The following PHACTR2 variants were observed in gnomAD, a reference collection of about 807,000 sequenced individuals.
The protein encoded by PHACTR2 is chromosome 6 open reading frame 56.
In PHACTR2, 30 loss-of-function variants were observed where a neutral mutation model predicts 76.0. That is an observed-to-expected ratio of 0.39 (90% confidence interval 0.30 to 0.54). PHACTR2 has a LOEUF of 0.54. Among genes scored for constraint, PHACTR2 ranks in the 20% least tolerant of loss-of-function variants. The probability of loss-of-function intolerance (pLI) is 0.61; values close to 1 mark genes in which losing one functional copy is unlikely to be tolerated. For missense variants in PHACTR2, 696 were observed against 781.1 expected, an observed-to-expected ratio of 0.89 and a Z score of 1.30; for synonymous variants, 292 against 292.5, an observed-to-expected ratio of 1.00 and a Z score of 0.02.
In PHACTR2 at chr6:143,595,286, TACATG is replaced by T. The variant is rs1001044841; in HGVS notation, c.217+58083_217+58087del. On this transcript the variant is annotated intron_variant, in intron 1 of 11. Transcript: ENST00000367584. This position sits in a 1 kb window ranked among gnomAD's most constrained non-coding sequence, Gnocchi z 4.2. Reference sequence around the variant, plus strand: ...GGCTAATTAGGTAAAGGGAGAAGTGTACATGACAGGTTTCTGATTTTCTAGCTTTT... The same window carrying T: ...GGCTAATTAGGTAAAGGGAGAAGTGTACAGGTTTCTGATTTTCTAGCTTTT... Among the ~76,000 whole-genome samples the T allele has an allele frequency of 6.6e-6, 1 of 152,248 alleles. No homozygotes were observed. Among genetic ancestry groups the T allele is most frequent in the Admixed American group, 6.5e-5 (1 of 15,282 alleles).
chr6:143,811,096 C>A lies in PHACTR2; in HGVS notation c.1922+3963C>A, dbSNP rs564800785. 9.9e-5 allele frequency among the ~76,000 whole-genome samples: 15 copies of A among 152,130 alleles called. No individual in the cohort carries two copies. The South Asian group carries it at 3.1e-3, about 32-fold the overall frequency. On this transcript the variant is annotated intron_variant, in intron 12 of 12. Transcript: ENST00000440869. The surrounding 1 kb of genome is among the most constrained non-coding windows in gnomAD (Gnocchi z 4.1). Reference sequence around the variant, plus strand: ...CAAGAGTATAAAACTATTATTTTTACCTGTTATCTATGCTTTGGAGAGGTG... The same window carrying A: ...CAAGAGTATAAAACTATTATTTTTAACTGTTATCTATGCTTTGGAGAGGTG...
intron 12 of PHACTR2, chr6:143,810,566 T>C (rs759214440): frequency 5.5e-5 from 25 of 454,578 alleles, no homozygotes; most frequent in Non-Finnish European, 8.4e-5. Context: ...TTTTATTATT[T>C]GATTTGACTA....
intron 1 of PHACTR2, among the ~76,000 whole-genome samples, chr6:143,706,017 T>G (rs1582792608): frequency 6.6e-6 from 1 of 152,346 alleles, no homozygotes; most frequent in South Asian, 2.1e-4. Flanking sequence ...TGAGTATGGA[T>G]TTGTGGATGT....
chr6:143,772,226 A>G lies in PHACTR2; in HGVS notation c.1233-32A>G, dbSNP rs770882901. The G allele has an allele frequency of 1.3e-6, 2 of 1,543,100 alleles. No individual in the cohort carries two copies. Among genetic ancestry groups the G allele is most frequent in the South Asian group, 2.2e-5 (2 of 89,452 alleles). Reference sequence around the variant, plus strand: ...GCCGCCAAGGGTTGCTCTGAGCTTCACATCACTCCCATGCTTTTCTGCCTT... The same window carrying G: ...GCCGCCAAGGGTTGCTCTGAGCTTCGCATCACTCCCATGCTTTTCTGCCTT... On this transcript the variant is annotated intron_variant, in intron 6 of 12. Transcript: ENST00000440869. The surrounding 1 kb of genome is among the most constrained non-coding windows in gnomAD (Gnocchi z 5.4).
At chr6:143,770,973 G>A (rs551701391) in intron 6 of PHACTR2, among the ~76,000 whole-genome samples, 1 of 139,564 alleles carries the variant, frequency 7.2e-6, no homozygotes, top group East Asian at 2.1e-4. Flanking sequence ...ACCCAGGCTA[G>A]AGTCATATTA....
Position 143,730,747 on chromosome 6 carries a change from T to C in PHACTR2, c.215-18238T>C, listed in dbSNP as rs572649804. 1.2e-4 allele frequency among the ~76,000 whole-genome samples: 18 copies of C among 152,154 alleles called. No homozygotes were observed. Among genetic ancestry groups the C allele is most frequent in the Non-Finnish European group, 2.2e-4 (15 of 68,026 alleles). The stretch of plus-strand genomic sequence containing the variant: ...AGTATGATGTTGGTGTAAGATTTTT[T>C]GTGTGTGTTTGTTTGTTTGAGACGG... On this transcript the variant is annotated intron_variant, in intron 2 of 12. Transcript: ENST00000440869. This position sits in a 1 kb window ranked among gnomAD's most constrained non-coding sequence, Gnocchi z 4.8.
chr6:143,576,772 A>G (rs1480112426), intron 1 of PHACTR2, among the ~76,000 whole-genome samples: 1 of 149,586 alleles, frequency 6.7e-6, no homozygotes, highest in East Asian at 2.1e-4. Flanking sequence ...GCTACTCGGT[A>G]GGTTGAAGCA....
intron 1 of PHACTR2, among the ~76,000 whole-genome samples, chr6:143,711,287 A>G (rs1207618112): frequency 6.6e-6 from 1 of 152,200 alleles, no homozygotes; most frequent in Non-Finnish European, 1.5e-5. Flanking sequence ...GTTCTTTGCC[A>G]TTAAAATTTG....
chr6:143,632,663 C>T (rs995870766), intron 1 of PHACTR2, among the ~76,000 whole-genome samples: 13 of 152,106 alleles, frequency 8.5e-5, no homozygotes, highest in Non-Finnish European at 1.8e-4. Context: ...ATTTTGACAA[C>T]GTATAATGAC....
chr6:143,572,003 G>A (rs780988417), intron 1 of PHACTR2, among the ~76,000 whole-genome samples: 37 of 152,144 alleles, frequency 2.4e-4, no homozygotes, highest in Non-Finnish European at 4.4e-4. Context: ...AGATTATGAG[G>A]AGCATAGCCT....
Position 143,679,249 on chromosome 6 carries a change from C to T in PHACTR2, c.46+1040C>T, listed in dbSNP as rs1303470451. Among the ~76,000 whole-genome samples the T allele has an allele frequency of 2.0e-5, 3 of 152,134 alleles. No individual in the cohort carries two copies. The highest frequency in any genetic ancestry group is 4.4e-5 in the Non-Finnish European group (3 of 68,010). ...ATACCCAGTGGGTTTCTTTAGGTAGCACAGCTTCACTCCCTGAGATACCAC... is the reference window on the plus strand; with the variant it reads ...ATACCCAGTGGGTTTCTTTAGGTAGTACAGCTTCACTCCCTGAGATACCAC... On this transcript the variant is annotated intron_variant, in intron 1 of 12. Transcript: ENST00000440869. The surrounding 1 kb of genome is among the most constrained non-coding windows in gnomAD (Gnocchi z 4.6).
Position 143,764,940 on chromosome 6 carries a change from G to A in PHACTR2, c.695-321G>A, listed in dbSNP as rs1235718320. The stretch of plus-strand genomic sequence containing the variant: ...TAACATTCCTTCTTGAGAGCATACC[G>A]GGCTTTTTTCAAGTGAACCATAGAC... On this transcript the variant is annotated intron_variant, in intron 5 of 12. Transcript: ENST00000440869. The surrounding 1 kb of genome is among the most constrained non-coding windows in gnomAD (Gnocchi z 4.7). Among the ~76,000 whole-genome samples the A allele has an allele frequency of 6.6e-6, 1 of 152,080 alleles. No individual in the cohort carries two copies. The highest frequency in any genetic ancestry group is 1.9e-4 in the East Asian group (1 of 5,188).
rs962910548 is a variant in PHACTR2 at position 143,750,722 on chromosome 6, C to A, written c.295+1657C>A. 3.3e-5 allele frequency among the ~76,000 whole-genome samples: 5 copies of A among 152,176 alleles called. No individual in the cohort carries two copies. The highest frequency in any genetic ancestry group is 6.5e-5 in the Admixed American group (1 of 15,274). The stretch of plus-strand genomic sequence containing the variant: ...CTATTTGCCTCATAGATTATAATTT[C>A]TTGGGCCAACATATACTTCTCAGAA... On this transcript the variant is annotated intron_variant, in intron 3 of 12. Coordinates refer to ENST00000440869, the MANE Select transcript of PHACTR2 (RefSeq NM_001100164.2). The surrounding 1 kb of genome is among the most constrained non-coding windows in gnomAD (Gnocchi z 4.6).
intron 1 of PHACTR2, among the ~76,000 whole-genome samples, chr6:143,685,500 C>CT (rs1331939357): frequency 6.6e-6 from 1 of 152,020 alleles, no homozygotes; most frequent in Admixed American, 6.5e-5. Context: ...AGGAACTACT[C>CT]TAAGTGCTTT....
chr6:143,655,185 A>G (rs1776829215), intron 1 of PHACTR2, among the ~76,000 whole-genome samples: 1 of 151,980 alleles, frequency 6.6e-6, no homozygotes, highest in African/African-American at 2.4e-5. Context: ...GAAAAAGAAA[A>G]AAAAGAAAAC....
At chr6:143,670,540 C>G (rs982225640) in intron 1 of PHACTR2, among the ~76,000 whole-genome samples, 28 of 151,966 alleles carry the variant, frequency 1.8e-4, no homozygotes, top group African/African-American at 6.5e-4. Context: ...TTTGTTCATT[C>G]CCTTTTATTC....
At chr6:143,540,151 TC>T (rs1020443801) in intron 1 of PHACTR2, among the ~76,000 whole-genome samples, 2 of 152,218 alleles carry the variant, frequency 1.3e-5, no homozygotes, top group Admixed American at 6.5e-5. Context: ...CCTTCCTTGC[TC>T]CTATTTTTGA....
In PHACTR2 at chr6:143,767,783, T is replaced by G. The variant is rs867608282; in HGVS notation, c.1232+1985T>G. The stretch of plus-strand genomic sequence containing the variant: ...GCAGAGCCTTCATGACTTAAACACC[T>G]CCCACTAGGCCCTACCTCTCAACAC... On this transcript the variant is annotated intron_variant, in intron 6 of 12. Coordinates refer to ENST00000440869, the MANE Select transcript of PHACTR2 (RefSeq NM_001100164.2). This position sits in a 1 kb window ranked among gnomAD's most constrained non-coding sequence, Gnocchi z 4.4. Among the ~76,000 whole-genome samples the G allele has an allele frequency of 2.0e-5, 3 of 152,138 alleles. No homozygotes were observed. The highest frequency in any genetic ancestry group is 4.8e-5 in the African/African-American group (2 of 41,444).
At position 143,818,153 on chromosome 6, in the gene PHACTR2, A is replaced by G. The variant is rs568002220; in HGVS notation, c.1923-5521A>G. Among the ~76,000 whole-genome samples the G allele has an allele frequency of 6.6e-6, 1 of 152,346 alleles. No individual in the cohort carries two copies. Among genetic ancestry groups the G allele is most frequent in the East Asian group, 1.9e-4 (1 of 5,194 alleles). On this transcript the variant is annotated intron_variant, in intron 12 of 12. Coordinates refer to ENST00000440869, the MANE Select transcript of PHACTR2 (RefSeq NM_001100164.2). The surrounding 1 kb of genome is among the most constrained non-coding windows in gnomAD (Gnocchi z 4.9). The stretch of plus-strand genomic sequence containing the variant: ...TAATAAAATAATCAATAAAAAATTT[A>G]AATAAAATTTGATTAAAATGGACAG...
Sources: gnomAD v4.1 joint callset for allele counts (sites outside exome capture counted in the v4.1 genomes callset) on GRCh38, gnomAD v4.1.1 for gene constraint, Gnocchi (gnomAD v3.1) non-coding constraint, MANE v1.5 for transcripts, NCBI Gene and HGNC (gene_info 2026-07-23, HGNC 2026-07-21) for gene names.